TMEM87B: variants seen among roughly 807,000 people sequenced by gnomAD.
TMEM87B encodes the protein transmembrane protein 87B.
Under a neutral mutation model 80.3 loss-of-function variants are expected in TMEM87B, and 83 were observed. The observed-to-expected ratio is 1.03, with a 90% CI of 0.87 to 1.24. The LOEUF (loss-of-function observed/expected upper bound fraction) is 1.24. TMEM87B is among the 50% of genes most tolerant of loss of function. The probability of loss-of-function intolerance (pLI) is 0.00; values close to 1 mark genes in which losing one functional copy is unlikely to be tolerated. For synonymous variants in TMEM87B, 219 were observed against 230.5 expected (o/e 0.95, Z 0.45); for missense variants, 625 against 674.4 (o/e 0.93, Z 0.81).
At chr2:112,109,748 G>A (rs1679862109) in intron 17 of TMEM87B, among the ~76,000 whole-genome samples, 1 of 119,852 alleles carries the variant, frequency 8.3e-6, no homozygotes, top group Non-Finnish European at 1.7e-5. Context: ...ATTTTCCAGT[G>A]CCTTCAGCTA....
chr2:112,071,067 C>T (rs1233865149), intron 4 of TMEM87B, among the ~76,000 whole-genome samples: 1 of 151,826 alleles, frequency 6.6e-6, no homozygotes, highest in African/African-American at 2.4e-5. Context: ...CTTCATGATC[C>T]ACCCGCCTCG....
intron 4 of TMEM87B, among the ~76,000 whole-genome samples, chr2:112,068,467 G>A (rs1301631474): frequency 6.6e-6 from 1 of 152,178 alleles, no homozygotes; most frequent in Admixed American, 6.5e-5. Flanking sequence ...CACTTTGGGA[G>A]GCCAAGGCGG....
chr2:112,084,183 G>A (rs72940101), intron 8 of TMEM87B, among the ~76,000 whole-genome samples: 10,856 of 152,180 alleles, frequency 0.071, 861 homozygotes, highest in African/African-American at 0.2. Flanking sequence ...TACCAGAAAC[G>A]TTGTAGTCAC....
intron 13 of TMEM87B, 55 bp from the exon 14 acceptor site, chr2:112,098,540 A>G: frequency 1.3e-6 from 2 of 1,519,340 alleles, no homozygotes; most frequent in Non-Finnish European, 9.1e-7. Context: ...TGAATGGGAA[A>G]CCTATATGCT....
At chr2:112,072,977 G>T (rs554440534) in intron 4 of TMEM87B, among the ~76,000 whole-genome samples, 1 of 138,156 alleles carries the variant, frequency 7.2e-6, no homozygotes, top group African/African-American at 2.8e-5. Flanking sequence ...TCGGCTCACT[G>T]CAACCTCCAC....
chr2:112,062,318 G>A (rs752837717), intron 2 of TMEM87B, among the ~76,000 whole-genome samples: 4 of 152,132 alleles, frequency 2.6e-5, no homozygotes, highest in Non-Finnish European at 5.9e-5. Context: ...GTCATGTGGA[G>A]CCTGTGCTAA....
At chr2:112,102,805 A>G (rs922515409) in intron 15 of TMEM87B, among the ~76,000 whole-genome samples, 18 of 152,338 alleles carry the variant, frequency 1.2e-4, no homozygotes, top group African/African-American at 4.3e-4. Context: ...CAGCAAACTA[A>G]TTCTAAAATG....
At position 112,081,341 on chromosome 2, in the gene TMEM87B, A is replaced by G; in HGVS notation, c.661A>G (p.Met221Val). 6.3e-7 allele frequency: 1 copy of G among 1,593,914 alleles called. No individual in the cohort carries two copies. Among genetic ancestry groups the G allele is most frequent in the South Asian group, 1.1e-5 (1 of 87,000 alleles). ...ASDWPLMIFY[M>V]VMCIVYILYG... Reference sequence around the variant, plus strand: ...ATTGCTTCTCTTCCTACAGTTTTACATGGTGATGTGTATTGTTTATATATT... The same window carrying G: ...ATTGCTTCTCTTCCTACAGTTTTACGTGGTGATGTGTATTGTTTATATATT... Residue 221 changes from methionine (M) to valine (V), a missense_variant, in exon 8 of 19, where the codon ATG (methionine) becomes GTG (valine). By Grantham distance (21) the Met-to-Val change is conservative. Transcript: ENST00000283206.
chr2:112,055,558 G>A lies in TMEM87B; in HGVS notation c.-34G>A, dbSNP rs1182306297. The A allele has an allele frequency of 2.9e-5, 43 of 1,465,854 alleles. No individual in the cohort carries two copies. The highest frequency in any genetic ancestry group is 3.6e-5 in the Non-Finnish European group (40 of 1,112,510). The allele number at this position is 1,465,854 out of a possible 1,614,324, so 90.8% of individuals were successfully genotyped here. On this transcript the variant is annotated 5_prime_UTR_variant, in exon 1 of 19. Coordinates refer to ENST00000283206, the MANE Select transcript of TMEM87B (RefSeq NM_032824.3). ...TGCACCAGGTGCGGGTGTGGCAGGC[G>A]TCTCGGAGCGCCAGGTGCAGCTTCC... is the stretch of plus-strand genomic sequence containing the variant.
In TMEM87B at chr2:112,118,278, A is replaced by G. The variant is rs749050183; in HGVS notation, c.*2135A>G. On this transcript the variant is annotated 3_prime_UTR_variant, in exon 19 of 19. Coordinates refer to ENST00000283206, the MANE Select transcript of TMEM87B (RefSeq NM_032824.3). ...CTCTAGTGCCATAGCTGTAGTTCAC[A>G]GGAAGGACACCAGGAGAAGTTATAC... 2 of 152,164 alleles carry G rather than the reference A, an allele frequency of 1.3e-5. No homozygotes were observed. Among genetic ancestry groups the G allele is most frequent in the African/African-American group, 2.4e-5 (1 of 41,430 alleles). 9.4% of individuals were successfully genotyped at this position (152,164 alleles called of 1,614,324 possible). A position where few individuals can be genotyped will look rare whatever the true frequency, so the allele number is the denominator to read the frequency against.
chr2:112,086,171 C>A, intron 9 of TMEM87B, 67 bp downstream of exon 9: 2 of 1,274,660 alleles, frequency 1.6e-6, no homozygotes, highest in East Asian at 2.4e-5. Context: ...TACATTATGA[C>A]CTTTGTGAAA....
chr2:112,060,798 A>G (rs1259191002), intron 2 of TMEM87B, among the ~76,000 whole-genome samples: 5 of 151,998 alleles, frequency 3.3e-5, no homozygotes, highest in Non-Finnish European at 5.9e-5. Flanking sequence ...CAGCCTCCCA[A>G]AGTGCTGGGA....
At chr2:112,094,944 A>G (rs1280039416) in intron 11 of TMEM87B, among the ~76,000 whole-genome samples, 1 of 151,874 alleles carries the variant, frequency 6.6e-6, no homozygotes, top group Non-Finnish European at 1.5e-5. Flanking sequence ...AAAAAGCAGA[A>G]CTAAATACGT....
intron 4 of TMEM87B, among the ~76,000 whole-genome samples, chr2:112,073,882 A>G (rs928418271): frequency 6.6e-6 from 1 of 152,142 alleles, no homozygotes; most frequent in African/African-American, 2.4e-5. Flanking sequence ...TTGTTGGTTT[A>G]AAGTCAGTTT....
rs201778265 is a variant in TMEM87B, at chr2:112,097,302, C to A, written c.1272+11C>A. 162 of 1,581,258 alleles carry A rather than the reference C, an allele frequency of 1.0e-4. 1 individual carries two copies. In the East Asian group the frequency reaches 3.6e-3, roughly 35 times the overall value. On this transcript the variant is annotated intron_variant, in intron 13 of 18. Transcript: ENST00000283206. ...GCAAAATGCCAATCAGTAAGTATAACCTTCCTATTTAAACAGTTATTTTTA... is the reference window on the plus strand; with the variant it reads ...GCAAAATGCCAATCAGTAAGTATAAACTTCCTATTTAAACAGTTATTTTTA...
chr2:112,093,526 T>C (rs564577345), intron 11 of TMEM87B, among the ~76,000 whole-genome samples: 3 of 152,288 alleles, frequency 2.0e-5, no homozygotes, highest in African/African-American at 7.2e-5. Context: ...TAATAACTGA[T>C]CTAAAGAGTT....
At position 112,117,397 on chromosome 2, in the gene TMEM87B, A is replaced by G. The variant is rs1680053024; in HGVS notation, c.*1254A>G. On this transcript the variant is annotated 3_prime_UTR_variant, in exon 19 of 19. Transcript: ENST00000283206. Reference sequence around the variant, plus strand: ...AAAACATTAAAATCTTAACCGGCACAAACACTCCAATTTTTTTCACTGTGA... The same window carrying G: ...AAAACATTAAAATCTTAACCGGCACGAACACTCCAATTTTTTTCACTGTGA... 6.6e-6 allele frequency: 1 copy of G among 152,200 alleles called. No homozygotes were observed. Among genetic ancestry groups the G allele is most frequent in the Non-Finnish European group, 1.5e-5 (1 of 68,032 alleles). 9.4% of individuals were successfully genotyped at this position (152,200 alleles called of 1,614,324 possible). A position where few individuals can be genotyped will look rare whatever the true frequency, so the allele number is the denominator to read the frequency against.
chr2:112,060,350 A>C (rs1678211961), intron 2 of TMEM87B, among the ~76,000 whole-genome samples: 1 of 152,108 alleles, frequency 6.6e-6, no homozygotes, highest in Non-Finnish European at 1.5e-5. Context: ...CTCTGTCTCA[A>C]AAACAAACAA....
intron 15 of TMEM87B, among the ~76,000 whole-genome samples, chr2:112,103,335 T>C (rs1679684142): frequency 6.6e-6 from 1 of 152,198 alleles, no homozygotes; most frequent in Non-Finnish European, 1.5e-5. Flanking sequence ...TGTGTCTGAA[T>C]TGGAACTCTC....
Sources: gnomAD v4.1 joint callset for allele counts (sites outside exome capture counted in the v4.1 genomes callset) on GRCh38, gnomAD v4.1.1 for gene constraint, MANE v1.5 for transcripts, NCBI Gene and HGNC (gene_info 2026-07-23, HGNC 2026-07-21) for gene names.